ASCC3: variants seen among roughly 807,000 people sequenced by gnomAD.
The protein encoded by ASCC3 is activating signal cointegrator 1 complex subunit 3, also known as ASC-1 complex subunit P200.
In ASCC3, 158 loss-of-function variants were observed where a neutral mutation model predicts 256.3. The observed-to-expected ratio is 0.62, with a 90% confidence interval of 0.54 to 0.70. The LOEUF (loss-of-function observed/expected upper bound fraction) is 0.70, where lower values mean the gene tolerates loss of function less well. Ranked by LOEUF, ASCC3 falls within the 30% of genes least tolerant of loss-of-function variation. The pLI, the probability that ASCC3 is intolerant of heterozygous loss-of-function variation, is 0.00. For missense variants in ASCC3, 2,259 were observed against 2,626.0 expected, an observed-to-expected ratio of 0.86 and a Z score of 3.05; for synonymous variants, 948 against 883.4, an observed-to-expected ratio of 1.07 and a Z score of -1.30.
rs143085270 is a variant in ASCC3, at chr6:100,730,554, G to C, written c.1738-4851C>G. On this transcript the variant is annotated intron_variant, in intron 10 of 41. Coordinates refer to ENST00000369162, the MANE Select transcript of ASCC3 (RefSeq NM_006828.4). Reference sequence around the variant, plus strand: ...CAGCTTGCAAGATTTAAGAACTACTGTCTTCCTTTCTAAAATACATAATCA... The same window carrying C: ...CAGCTTGCAAGATTTAAGAACTACTCTCTTCCTTTCTAAAATACATAATCA... Among the ~76,000 whole-genome samples, 175 of 152,216 alleles carry C rather than the reference G, an allele frequency of 1.1e-3. 2 individuals carry two copies. Among genetic ancestry groups the C allele is most frequent in the African/African-American group, 4.0e-3 (166 of 41,536 alleles).
intron 1 of ASCC3, among the ~76,000 whole-genome samples, chr6:100,869,561 A>G (rs753803254): frequency 1.3e-5 from 2 of 152,242 alleles, no homozygotes; most frequent in Non-Finnish European, 2.9e-5. Context: ...AGATGGGTTA[A>G]GCAACAGCTA....
chr6:100,582,095 T>G (rs952156758), intron 36 of ASCC3, among the ~76,000 whole-genome samples: 9 of 151,430 alleles, frequency 5.9e-5, no homozygotes, highest in African/African-American at 1.7e-4. Context: ...ATATGAACTT[T>G]AAAGTAGTTT....
chr6:100,556,643 G>A (rs1055256544), intron 36 of ASCC3, among the ~76,000 whole-genome samples: 5 of 152,110 alleles, frequency 3.3e-5, no homozygotes, highest in African/African-American at 1.2e-4. Context: ...TCTTTATTAT[G>A]TATATAATTG....
At chr6:100,744,462 G>A (rs1780575223) in intron 10 of ASCC3, among the ~76,000 whole-genome samples, 1 of 151,970 alleles carries the variant, frequency 6.6e-6, no homozygotes, top group Non-Finnish European at 1.5e-5. Context: ...GAAGACTATA[G>A]GTAACTTGAT....
chr6:100,602,504 G>T (rs975597156), intron 33 of ASCC3, among the ~76,000 whole-genome samples: 2 of 151,958 alleles, frequency 1.3e-5, no homozygotes, highest in African/African-American at 4.8e-5. Context: ...GGACAGCCAC[G>T]AGAGGTAGAG....
At chr6:100,513,009 AACCTTTTAATGTTG>A (rs1452162862) in intron 39 of ASCC3, 91 bp from the exon 40 acceptor site, 14 of 1,153,062 alleles carry the variant, frequency 1.2e-5, no homozygotes, top group Non-Finnish European at 1.7e-5. Context: ...GACGAAAATT[AACCTTTTAATGTTG>A]AGATTAATTC....
intron 30 of ASCC3, among the ~76,000 whole-genome samples, chr6:100,610,781 T>C (rs1773353176): frequency 6.6e-6 from 1 of 152,148 alleles, no homozygotes; most frequent in Admixed American, 6.6e-5. Flanking sequence ...TATAAATGCA[T>C]GATATAAGGA....
intron 32 of ASCC3, 78 bp from the exon 33 acceptor site, chr6:100,605,778 C>T: frequency 1.4e-6 from 2 of 1,455,018 alleles, no homozygotes; most frequent in Non-Finnish European, 9.6e-7. Flanking sequence ...TGGCATGCTT[C>T]TATAATCAAC....
intron 36 of ASCC3, among the ~76,000 whole-genome samples, chr6:100,554,488 C>T (rs1241910221): frequency 2.0e-5 from 3 of 152,056 alleles, no homozygotes; most frequent in Non-Finnish European, 2.9e-5. Context: ...GCAGCCTGCT[C>T]GATGTGAGAC....
At chr6:100,522,747 T>C (rs1250222150) in intron 37 of ASCC3, among the ~76,000 whole-genome samples, 1 of 151,862 alleles carries the variant, frequency 6.6e-6, no homozygotes, top group African/African-American at 2.4e-5. Context: ...CTGTTAACCA[T>C]TTAACGTAAG....
chr6:100,655,716 T>G lies in ASCC3; in HGVS notation c.2806A>C (p.Ser936Arg), dbSNP rs548014116. The part of the protein sequence containing the change: ...MRANPLAYGI[S>R]HKAYQIDPTL... ...TTTTCTACCTGATAAGCCTTGTGACTGATGCCATATGCTAATGGATTTGCT... is the reference window on the plus strand; with the variant it reads ...TTTTCTACCTGATAAGCCTTGTGACGGATGCCATATGCTAATGGATTTGCT... The change falls in exon 17 of 42, where the codon AGT (serine) becomes CGT (arginine). Residue 936 changes from serine (S) to arginine (R), a missense_variant. Around this residue, in one of 2 missense-constraint regions of ASCC3, gnomAD observed 1,839 missense variants for 2,206.7 expected, o/e 0.83. Transcript: ENST00000369162. The G allele has an allele frequency of 3.9e-5, 63 of 1,611,272 alleles. 1 individual carries two copies. In the South Asian group the frequency reaches 5.2e-4, roughly 13 times the overall value.
chr6:100,625,833 T>C (rs573163332), intron 29 of ASCC3, among the ~76,000 whole-genome samples: 1 of 152,218 alleles, frequency 6.6e-6, no homozygotes, highest in African/African-American at 2.4e-5. Context: ...TTATCAGTGA[T>C]AGAAAAATTA....
At chr6:100,815,656 G>A (rs961839973) in intron 4 of ASCC3, among the ~76,000 whole-genome samples, 1 of 151,938 alleles carries the variant, frequency 6.6e-6, no homozygotes, top group Non-Finnish European at 1.5e-5. Flanking sequence ...ACAAAAACAA[G>A]GAATGGGGAA....
intron 26 of ASCC3, 124 bp from the exon 27 acceptor site, chr6:100,629,305 A>AT (rs1774416183): frequency 1.2e-6 from 1 of 869,028 alleles, no homozygotes; most frequent in Non-Finnish European, 1.7e-6. Flanking sequence ...TCTACCTTTG[A>AT]TTTTTGAAAT....
intron 1 of ASCC3, among the ~76,000 whole-genome samples, chr6:100,878,918 C>A (rs705609): frequency 0.19 from 28,989 of 152,118 alleles, 2,982 homozygotes; most frequent in African/African-American, 0.23. Flanking sequence ...GAGATACTGT[C>A]ATATCCCACA....
intron 10 of ASCC3, among the ~76,000 whole-genome samples, chr6:100,762,244 C>G (rs1258814772): frequency 6.7e-6 from 1 of 150,070 alleles, no homozygotes; most frequent in African/African-American, 2.5e-5. Flanking sequence ...AACGCCTCCC[C>G]CTACGAGGAT....
intron 40 of ASCC3, 80 bp from the exon 41 acceptor site, chr6:100,510,187 T>A: frequency 6.8e-7 from 1 of 1,480,784 alleles, no homozygotes; most frequent in Middle Eastern, 2.0e-4. Context: ...GGCTACGTTG[T>A]CTTACTTGAA....
At chr6:100,702,613 A>G (rs1252902911) in intron 13 of ASCC3, among the ~76,000 whole-genome samples, 1 of 152,164 alleles carries the variant, frequency 6.6e-6, no homozygotes, top group Admixed American at 6.6e-5. Context: ...GTCTAAGGCC[A>G]CGCCTGGTAG....
chr6:100,845,589 T>G (rs1051328891), intron 4 of ASCC3, among the ~76,000 whole-genome samples: 1 of 152,180 alleles, frequency 6.6e-6, no homozygotes. Flanking sequence ...AATGAAGTCA[T>G]GCACATAAAG....
Sources: gnomAD v4.1 joint callset for allele counts (sites outside exome capture counted in the v4.1 genomes callset) on GRCh38, gnomAD v4.1.1 for gene constraint, gnomAD v4.1.1 regional missense constraint, MANE v1.5 for transcripts, NCBI Gene and HGNC (gene_info 2026-07-23, HGNC 2026-07-21) for gene names.